Variants in SEMA6D observed in about 807,000 individuals in gnomAD.
The protein encoded by SEMA6D is semaphorin-6D.
A neutral mutation model predicts 106.6 loss-of-function variants in SEMA6D; 35 were observed. The observed-to-expected ratio is 0.33, with a 90% CI of 0.25 to 0.44. The LOEUF (loss-of-function observed/expected upper bound fraction) is 0.44. Among genes scored for constraint, SEMA6D ranks in the 20% least tolerant of loss-of-function variants. SEMA6D has a pLI of 1.00. For synonymous variants in SEMA6D, 499 were observed against 487.7 expected (o/e 1.02, Z -0.31); for missense variants, 1,185 against 1,345.9 (o/e 0.88, Z 1.87).
intron 1 of SEMA6D, among the ~76,000 whole-genome samples, chr15:47,280,360 G>C (rs2035055029): frequency 6.6e-6 from 1 of 151,298 alleles, no homozygotes; most frequent in South Asian, 2.1e-4. Context: ...ATTTCTGTGG[G>C]ATCGGTGGTG....
Position 47,764,310 on chromosome 15 carries a change from A to G in SEMA6D, c.1097+5A>G. ...AGACAAAGTGCCAAAGCCAAGGTAA[A>G]TAAAAAAGTAGAAAAGGGTTTTGTC... is the stretch of plus-strand genomic sequence containing the variant. On this transcript the variant is annotated splice_donor_5th_base_variant and intron_variant, in intron 11 of 18. Transcript: ENST00000536845. 1.2e-6 allele frequency: 2 copies of G among 1,610,172 alleles called. No homozygotes were observed. The highest frequency in any genetic ancestry group is 1.7e-6 in the Non-Finnish European group (2 of 1,178,814).
intron 1 of SEMA6D, among the ~76,000 whole-genome samples, chr15:47,324,490 C>T (rs1251445496): frequency 6.6e-6 from 1 of 152,022 alleles, no homozygotes; most frequent in East Asian, 1.9e-4. Context: ...TTCAACACTT[C>T]ATAATTAACA....
chr15:47,623,008 T>C (rs1201621626), intron 4 of SEMA6D, among the ~76,000 whole-genome samples: 1 of 152,132 alleles, frequency 6.6e-6, no homozygotes, highest in African/African-American at 2.4e-5. Context: ...GCTCAACCAG[T>C]CCACTACCCA....
intron 4 of SEMA6D, among the ~76,000 whole-genome samples, chr15:47,665,285 A>G (rs1245694221): frequency 6.6e-6 from 1 of 151,958 alleles, no homozygotes; most frequent in African/African-American, 2.4e-5. Flanking sequence ...TCTACGTTTA[A>G]TTGTTCTAAA....
At chr15:47,248,048 CA>C (rs2033299483) in intron 1 of SEMA6D, among the ~76,000 whole-genome samples, 1 of 151,958 alleles carries the variant, frequency 6.6e-6, no homozygotes, top group South Asian at 2.1e-4. Context: ...GACATTACTC[CA>C]AAAAATTCAA....
chr15:47,529,707 A>G (rs2044889000), intron 3 of SEMA6D, among the ~76,000 whole-genome samples: 1 of 151,478 alleles, frequency 6.6e-6, no homozygotes, highest in Admixed American at 6.6e-5. Flanking sequence ...CACTAGCCCT[A>G]TTTGGAAAGA....
At chr15:47,730,676 C>G in intron 1 of SEMA6D, 2 of 1,608,714 alleles carry the variant, frequency 1.2e-6, no homozygotes, top group Non-Finnish European at 1.7e-6. Flanking sequence ...GTTTGGCGGT[C>G]CAGGGCCTGG....
At position 47,689,855 on chromosome 15, in the gene SEMA6D, C is replaced by A. The variant is rs566175993; in HGVS notation, c.-54-69890C>A. On this transcript the variant is annotated intron_variant, in intron 4 of 19. Coordinates refer to the SEMA6D transcript ENST00000558014. ...GTCTGATGAAATGAGCTTGCCGGGG[C>A]ACACAGCTTTTTGGTATGCATAAAT... is the stretch of plus-strand genomic sequence containing the variant. Among the ~76,000 whole-genome samples the A allele has an allele frequency of 2.4e-4, 37 of 152,344 alleles. 1 individual carries two copies. The South Asian group carries it at 7.0e-3, about 29-fold the overall frequency.
chr15:47,542,494 G>A (rs1190141587), intron 3 of SEMA6D, among the ~76,000 whole-genome samples: 1 of 152,082 alleles, frequency 6.6e-6, no homozygotes, highest in East Asian at 1.9e-4. Flanking sequence ...GATTTACAAT[G>A]GTTGGCCAAG....
intron 4 of SEMA6D, among the ~76,000 whole-genome samples, chr15:47,645,130 A>C (rs185239527): frequency 1.3e-5 from 2 of 152,250 alleles, no homozygotes; most frequent in Non-Finnish European, 2.9e-5. Flanking sequence ...TTGGGCTCCA[A>C]ATCTGTTTCG....
intron 1 of SEMA6D, among the ~76,000 whole-genome samples, chr15:47,193,770 T>C (rs187526292): frequency 5.6e-4 from 86 of 152,248 alleles, no homozygotes; most frequent in African/African-American, 1.8e-3. Flanking sequence ...CTGCCCTTCA[T>C]GTCTCTAGCT....
intron 1 of SEMA6D, among the ~76,000 whole-genome samples, chr15:47,332,196 G>A (rs141245406): frequency 8.5e-5 from 13 of 152,260 alleles, no homozygotes; most frequent in Non-Finnish European, 1.9e-4. Context: ...TACAGCATGC[G>A]GCAGTGCCAA....
Position 47,766,671 on chromosome 15 carries a change from T to G in SEMA6D, c.1702T>G (p.Cys568Gly). Residue 568 changes from cysteine (C) to glycine (G), a missense_variant, in exon 16 of 19, where the codon TGC (cysteine) becomes GGC (glycine). Cys to Gly is a radical substitution (Grantham distance 159, BLOSUM62 -3). Transcript: ENST00000536845. The stretch of plus-strand genomic sequence containing the variant: ...CGGCAACACAGCTCATCTAGGGGAC[T>G]GCCATGGTAAGACAGAATCTTCCAT... ...EFGNTAHLGD[C>G]HEILPTSTTP... 1 of 1,605,750 alleles carries G rather than the reference T, an allele frequency of 6.2e-7. No homozygotes were observed. Among genetic ancestry groups the G allele is most frequent in the Non-Finnish European group, 8.5e-7 (1 of 1,172,858 alleles).
At chr15:47,687,138 G>A (rs775080778) in intron 4 of SEMA6D, among the ~76,000 whole-genome samples, 4 of 150,970 alleles carry the variant, frequency 2.6e-5, no homozygotes, top group Admixed American at 6.6e-5. Flanking sequence ...GGAAAACTTC[G>A]ACTAAATCTA....
intron 4 of SEMA6D, among the ~76,000 whole-genome samples, chr15:47,660,977 T>A (rs1259271040): frequency 6.6e-6 from 1 of 152,216 alleles, no homozygotes; most frequent in African/African-American, 2.4e-5. Flanking sequence ...ATGGAGCAGG[T>A]CGGTTTTGAA....
At chr15:47,389,797 T>C (rs2039966284) in intron 1 of SEMA6D, among the ~76,000 whole-genome samples, 1 of 152,216 alleles carries the variant, frequency 6.6e-6, no homozygotes, top group Admixed American at 6.5e-5. Context: ...TGTAACTCAT[T>C]AGTGAGTATT....
At chr15:47,410,166 T>C (rs1286528737) in intron 1 of SEMA6D, among the ~76,000 whole-genome samples, 4 of 146,438 alleles carry the variant, frequency 2.7e-5, no homozygotes, top group Non-Finnish European at 3.0e-5. Flanking sequence ...TTTTTTTTGG[T>C]AAAGAAGGGG....
intron 1 of SEMA6D, among the ~76,000 whole-genome samples, chr15:47,340,996 A>C (rs1209980481): frequency 6.6e-6 from 1 of 152,168 alleles, no homozygotes; most frequent in Non-Finnish European, 1.5e-5. Flanking sequence ...TGAACCCTTC[A>C]CACAGAAAAG....
intron 1 of SEMA6D, among the ~76,000 whole-genome samples, chr15:47,400,488 C>CAAAAAAAAAAAAAA: frequency 8.4e-6 from 1 of 119,160 alleles, no homozygotes; most frequent in East Asian, 2.5e-4. Flanking sequence ...GACTCTGTCT[C>CAAAAAAAAAAAAAA]AAAAAAAAAA....
Sources: gnomAD v4.1 joint callset for allele counts (sites outside exome capture counted in the v4.1 genomes callset) on GRCh38, gnomAD v4.1.1 for gene constraint, MANE v1.5 for transcripts, NCBI Gene and HGNC (gene_info 2026-07-23, HGNC 2026-07-21) for gene names.